C6orf89: variants seen among roughly 807,000 people sequenced by gnomAD.
C6orf89 encodes the protein bombesin receptor-activated protein C6orf89.
C6orf89 carries 29 observed loss-of-function variants against 40.7 expected under a neutral mutation model. The observed-to-expected ratio is 0.71, with a 90% CI of 0.53 to 0.97. C6orf89 has a LOEUF of 0.97. Among genes scored for constraint, C6orf89 ranks in the 50% least tolerant of loss-of-function variants. The pLI, the probability that C6orf89 is intolerant of heterozygous loss-of-function variation, is 0.00. For missense variants in C6orf89, 392 were observed against 429.1 expected (o/e 0.91, Z 0.76); for synonymous variants, 165 against 152.2 (o/e 1.08, Z -0.62).
chr6:36,882,047 TAAAC>T (rs1158257829), upstream of C6orf89, among the ~76,000 whole-genome samples: 1 of 151,338 alleles, frequency 6.6e-6, no homozygotes, highest in Non-Finnish European at 1.5e-5. Context: ...ACCTTTTAAA[TAAAC>T]AACAAAAAAA....
intron 3 of C6orf89, among the ~76,000 whole-genome samples, chr6:36,901,502 T>G (rs1464773273): frequency 7.0e-6 from 1 of 142,786 alleles, no homozygotes; most frequent in African/African-American, 2.6e-5. Flanking sequence ...ATCCGGCTAA[T>G]TTTTTGTATT....
At chr6:36,921,132 T>C (rs1319778807) in intron 8 of C6orf89, among the ~76,000 whole-genome samples, 2 of 151,450 alleles carry the variant, frequency 1.3e-5, no homozygotes, top group African/African-American at 2.4e-5. Context: ...TAGTTGGCAG[T>C]GTCTATAAAA....
At position 36,910,486 on chromosome 6, in the gene C6orf89, G is replaced by C. The variant is rs191553800; in HGVS notation, c.404-3798G>C. 6.8e-4 allele frequency among the ~76,000 whole-genome samples: 104 copies of C among 152,234 alleles called. 3 individuals are homozygous for C. In the East Asian group the frequency reaches 0.018, roughly 26 times the overall value. ...CTGACACCTATAATTCCAGCACTTTGGGAGGCCAAGGCGGGTGGATTGCTT... is the reference window on the plus strand; with the variant it reads ...CTGACACCTATAATTCCAGCACTTTCGGAGGCCAAGGCGGGTGGATTGCTT... On this transcript the variant is annotated intron_variant, in intron 4 of 8. Coordinates refer to ENST00000480824, the MANE Select transcript of C6orf89 (RefSeq NM_001286635.2).
intron 1 of C6orf89, among the ~76,000 whole-genome samples, chr6:36,875,556 G>T (rs1474977907): frequency 6.6e-6 from 1 of 152,270 alleles, no homozygotes; most frequent in African/African-American, 2.4e-5. Flanking sequence ...TGCGCAGGGC[G>T]CGAGGAACAG....
At chr6:36,905,515 C>T (rs749487027) in intron 4 of C6orf89, among the ~76,000 whole-genome samples, 5 of 152,164 alleles carry the variant, frequency 3.3e-5, no homozygotes, top group Non-Finnish European at 7.3e-5. Context: ...AGAATTTTCC[C>T]GACCTGGTGT....
At chr6:36,878,284 A>G (rs896414529) in intron 1 of C6orf89, among the ~76,000 whole-genome samples, 1 of 152,202 alleles carries the variant, frequency 6.6e-6, no homozygotes, top group Non-Finnish European at 1.5e-5. Flanking sequence ...TCATACATTT[A>G]TGTCACTGTC....
At position 36,916,469 on chromosome 6, in the gene C6orf89, A is replaced by G; in HGVS notation, c.720A>G (p.Gln240=). 1 of 1,614,148 alleles carries G rather than the reference A, an allele frequency of 6.2e-7. No individual in the cohort carries two copies. Among genetic ancestry groups the G allele is most frequent in the Non-Finnish European group, 8.5e-7 (1 of 1,180,014 alleles). Residue 240 remains glutamine, a synonymous_variant, in exon 7 of 9, where the codon CAA becomes CAG. Transcript: ENST00000480824. The part of the protein sequence containing the change: ...YPWRRPLNRS[Q]MLRELFPVFT... ...GGAGGAGACCTCTGAACAGATCACA[A>G]ATGTTACGTGAGCTTTTTCCTGTTT...
chr6:36,918,059 C>T lies in C6orf89; in HGVS notation c.825+1485C>T, dbSNP rs546777558. Among the ~76,000 whole-genome samples, 6 of 152,362 alleles carry T rather than the reference C, an allele frequency of 3.9e-5. No homozygotes were observed. In the East Asian group the frequency reaches 1.2e-3, roughly 29 times the overall value. ...CCCTTTCCCCGCAGCCTTGTTACCC[C>T]ACCCTGTTGTCCACATCCCTGGGCC... On this transcript the variant is annotated intron_variant, in intron 7 of 8. Transcript: ENST00000480824.
chr6:36,876,591 G>A (rs1477985384), intron 1 of C6orf89, among the ~76,000 whole-genome samples: 1 of 152,114 alleles, frequency 6.6e-6, no homozygotes, highest in Admixed American at 6.5e-5. Context: ...GGGCATAGTG[G>A]TGCATGCCTG....
At chr6:36,883,877 T>C (rs1774890763), upstream of C6orf89, among the ~76,000 whole-genome samples, 1 of 152,222 alleles carries the variant, frequency 6.6e-6, no homozygotes, top group Non-Finnish European at 1.5e-5. Context: ...CCTTTGAAAA[T>C]TATACTAAGT....
intron 8 of C6orf89, among the ~76,000 whole-genome samples, chr6:36,922,173 T>C (rs1263140598): frequency 3.3e-5 from 5 of 151,888 alleles, no homozygotes; most frequent in Admixed American, 2.0e-4. Flanking sequence ...ACCCCGTCTC[T>C]ACTAAAAATA....
At chr6:36,893,745 A>G (rs981869250) in intron 1 of C6orf89, among the ~76,000 whole-genome samples, 1 of 152,208 alleles carries the variant, frequency 6.6e-6, no homozygotes, top group Non-Finnish European at 1.5e-5. Context: ...AGCCTAGCCA[A>G]TATGGTGAAA....
chr6:36,917,085 G>A (rs1242788740), intron 7 of C6orf89, among the ~76,000 whole-genome samples: 3 of 152,130 alleles, frequency 2.0e-5, no homozygotes, highest in Non-Finnish European at 4.4e-5. Flanking sequence ...TAAGGTAATA[G>A]TATGTGGATG....
intron 4 of C6orf89, among the ~76,000 whole-genome samples, chr6:36,911,054 G>A (rs189276494): frequency 9.2e-5 from 14 of 152,146 alleles, no homozygotes; most frequent in Admixed American, 7.9e-4. Flanking sequence ...CCACCTCCAA[G>A]TTTTTCTTTT....
At position 36,926,804 on chromosome 6, in the gene C6orf89, CAGGT is replaced by C. The variant is rs1762696014; in HGVS notation, c.*3370_*3373del. The C allele has an allele frequency of 1.3e-5, 2 of 152,214 alleles. No individual in the cohort carries two copies. Among genetic ancestry groups the C allele is most frequent in the Admixed American group, 6.5e-5 (1 of 15,286 alleles). 9.4% of individuals were successfully genotyped at this position (152,214 alleles called of 1,614,324 possible). A position where few individuals can be genotyped will look rare whatever the true frequency, so the allele number is the denominator to read the frequency against. ...GAGGCTTAGAGCAGTTAACCGCTGG[CAGGT>C]AGGTAGCTGGTTCCATAGCACATCA... is the stretch of plus-strand genomic sequence containing the variant. On this transcript the variant is annotated 3_prime_UTR_variant, in exon 9 of 9. Coordinates refer to ENST00000480824, the MANE Select transcript of C6orf89 (RefSeq NM_001286635.2).
At position 36,916,546 on chromosome 6, in the gene C6orf89, T is replaced by G; in HGVS notation, c.797T>G (p.Leu266Arg). 1 of 1,614,204 alleles carries G rather than the reference T, an allele frequency of 6.2e-7. No homozygotes were observed. Among genetic ancestry groups the G allele is most frequent in the Non-Finnish European group, 8.5e-7 (1 of 1,180,036 alleles). ...GCCTCTTTAAACAAGTGCTCCTTTC[T>G]TCACCCAGAACCTGTTGTGGGGAGT... ...KDASLNKCSF[L>R]HPEPVVGSKM... The change falls in exon 7 of 9, where the codon CTT (leucine) becomes CGT (arginine). Residue 266 changes from leucine (L) to arginine (R), a missense_variant. Coordinates refer to ENST00000480824, the MANE Select transcript of C6orf89 (RefSeq NM_001286635.2).
intron 8 of C6orf89, among the ~76,000 whole-genome samples, 155 bp from the exon 9 acceptor site, chr6:36,923,192 G>GA (rs1344459840): frequency 9.9e-5 from 15 of 151,930 alleles, no homozygotes; most frequent in East Asian, 1.9e-4. Context: ...GAAAGAAAAA[G>GA]AAAAAAAAGG....
intron 1 of C6orf89, among the ~76,000 whole-genome samples, chr6:36,874,285 G>A (rs1456806222): frequency 6.6e-6 from 1 of 152,136 alleles, no homozygotes; most frequent in African/African-American, 2.4e-5. Context: ...GTATTTTACT[G>A]GAATTTGTTT....
intron 1 of C6orf89, among the ~76,000 whole-genome samples, chr6:36,875,283 A>G (rs1774622560): frequency 1.3e-5 from 2 of 152,252 alleles, no homozygotes; most frequent in Non-Finnish European, 2.9e-5. Context: ...AAACAATTCT[A>G]TAAGTAGATA....
Sources: allele counts gnomAD v4.1 joint callset (sites outside exome capture counted in the v4.1 genomes callset), GRCh38; gene constraint gnomAD v4.1.1; transcripts MANE v1.5; gene names NCBI Gene and HGNC (gene_info 2026-07-23, HGNC 2026-07-21).